RIOK3: variants seen among roughly 807,000 people sequenced by gnomAD.
RIOK3 encodes RIO kinase 3.
Under a neutral mutation model 63.5 loss-of-function variants are expected in RIOK3, and 40 were observed. That is an observed-to-expected ratio of 0.63 (90% CI 0.49 to 0.82). The LOEUF (loss-of-function observed/expected upper bound fraction) is 0.82, where lower values mean the gene tolerates loss of function less well. Ranked by LOEUF, RIOK3 falls within the 40% of genes least tolerant of loss-of-function variation. RIOK3 has a pLI of 0.00. For synonymous variants in RIOK3, 193 were observed against 205.0 expected, an observed-to-expected ratio of 0.94 and a Z score of 0.50; for missense variants, 557 against 637.0, an observed-to-expected ratio of 0.87 and a Z score of 1.35.
chr18:23,471,672 C>T (rs1043092334), intron 7 of RIOK3, among the ~76,000 whole-genome samples: 2 of 151,912 alleles, frequency 1.3e-5, no homozygotes, highest in African/African-American at 4.8e-5. Context: ...AGTAGGAGAG[C>T]GTTGGTGTGT....
At position 23,477,043 on chromosome 18, in the gene RIOK3, A is replaced by G. The variant is rs2057495924; in HGVS notation, c.1211A>G (p.His404Arg). 7 of 1,614,052 alleles carry G rather than the reference A, an allele frequency of 4.3e-6. No homozygotes were observed. The East Asian group carries it at 6.7e-5, about 15-fold the overall frequency. The change falls in exon 10 of 13, where the codon CAT becomes CGT. Residue 404 changes from histidine to arginine, a missense_variant. Around this residue, in one of 3 missense-constraint regions of RIOK3, gnomAD observed 309 missense variants for 338.7 expected, o/e 0.91. Coordinates refer to ENST00000339486, the MANE Select transcript of RIOK3 (RefSeq NM_003831.5). ...RQLYHECTLVHADLSEYNMLW... is the reference protein window; with the variant it reads ...RQLYHECTLVRADLSEYNMLW... ...TTATATCATGAATGTACGCTTGTCCATGCTGACCTCAGTGAGTATAACATG... is the reference window on the plus strand; with the variant it reads ...TTATATCATGAATGTACGCTTGTCCGTGCTGACCTCAGTGAGTATAACATG...
chr18:23,458,284 G>A (rs1047084797), intron 1 of RIOK3, among the ~76,000 whole-genome samples: 36 of 151,996 alleles, frequency 2.4e-4, no homozygotes, highest in African/African-American at 8.5e-4. Context: ...AGCAGCGAAG[G>A]TCATATCTTT....
chr18:23,462,674 A>T (rs2057379692), intron 1 of RIOK3, among the ~76,000 whole-genome samples: 1 of 152,250 alleles, frequency 6.6e-6, no homozygotes, highest in Non-Finnish European at 1.5e-5. Context: ...ACATGAACTC[A>T]TTGGCTAGTG....
intron 5 of RIOK3, 81 bp downstream of exon 5, chr18:23,464,709 C>A (rs1378580421): frequency 5.5e-5 from 38 of 689,670 alleles, no homozygotes; most frequent in Admixed American, 3.9e-4. Flanking sequence ...AATATAATAC[C>A]TTAGATTTCT....
intron 7 of RIOK3, among the ~76,000 whole-genome samples, chr18:23,468,095 T>C (rs2057422431): frequency 1.3e-5 from 2 of 152,092 alleles, no homozygotes; most frequent in Non-Finnish European, 2.9e-5. Context: ...TCTTTATCAG[T>C]GTTTAGTATT....
Position 23,473,450 on chromosome 18 carries a change from T to C in RIOK3, c.837T>C (p.Asp279=), listed in dbSNP as rs373566051. The part of the protein sequence containing the change: ...YGGSMEDEKE[D]SKVIPTECAI... Reference sequence around the variant, plus strand: ...TTAGCATGGAGGATGAAAAGGAAGATAGTAAAGTTATACCTACAGAATGTG... The same window carrying C: ...TTAGCATGGAGGATGAAAAGGAAGACAGTAAAGTTATACCTACAGAATGTG... Residue 279 remains aspartate (D), a synonymous_variant, in exon 8 of 13, where the codon GAT becomes GAC. Transcript: ENST00000339486. The C allele has an allele frequency of 1.1e-4, 182 of 1,609,694 alleles. No homozygotes were observed. Among genetic ancestry groups the C allele is most frequent in the Non-Finnish European group, 1.5e-4 (175 of 1,178,042 alleles).
At chr18:23,467,194 A>T (rs887296365) in intron 6 of RIOK3, among the ~76,000 whole-genome samples, 1 of 151,766 alleles carries the variant, frequency 6.6e-6, no homozygotes, top group African/African-American at 2.4e-5. Context: ...GGCGCCTGTA[A>T]TCCCAGCTAC....
chr18:23,456,998 C>G (rs1249794251), intron 1 of RIOK3, among the ~76,000 whole-genome samples: 1 of 152,062 alleles, frequency 6.6e-6, no homozygotes, highest in Non-Finnish European at 1.5e-5. Flanking sequence ...ACGAGAATAC[C>G]AAGCACACAT....
At chr18:23,454,808 T>G (rs1403789870) in intron 1 of RIOK3, among the ~76,000 whole-genome samples, 1 of 152,242 alleles carries the variant, frequency 6.6e-6, no homozygotes, top group African/African-American at 2.4e-5. Flanking sequence ...AGACGCTCTA[T>G]TGGGAGGACA....
In RIOK3 at chr18:23,453,373, C is replaced by T; in HGVS notation, c.-67C>T. ...CAGTCGCCCGTGTCCCGCCTGTCTC[C>T]TCGGCGGAGCCTGCTGCCCGTCCTG... On this transcript the variant is annotated 5_prime_UTR_variant, in exon 1 of 13. Transcript: ENST00000339486. The T allele has an allele frequency of 7.5e-7, 1 of 1,338,982 alleles. No individual in the cohort carries two copies. The highest frequency in any genetic ancestry group is 1.1e-6 in the Non-Finnish European group (1 of 932,600). The allele number at this position is 1,338,982 out of a possible 1,614,324, so 82.9% of individuals were successfully genotyped here. A position where few individuals can be genotyped will look rare whatever the true frequency, so the allele number is the denominator to read the frequency against.
At chr18:23,472,809 T>G (rs2057464806) in intron 7 of RIOK3, among the ~76,000 whole-genome samples, 1 of 152,248 alleles carries the variant, frequency 6.6e-6, no homozygotes, top group South Asian at 2.1e-4. Context: ...CTATAGTGTT[T>G]GTTGTTCCTC....
chr18:23,466,859 G>A (rs1007152592), intron 6 of RIOK3, among the ~76,000 whole-genome samples: 7 of 151,340 alleles, frequency 4.6e-5, no homozygotes, highest in Non-Finnish European at 1.0e-4. Flanking sequence ...AAAATTAGCC[G>A]GGCATGTTGG....
Position 23,453,493 on chromosome 18 carries a change from A to G in RIOK3, c.54A>G (p.Gly18=). The change falls in exon 1 of 13, where the codon GGA becomes GGG. Residue 18 remains glycine (G), a synonymous_variant. Coordinates refer to ENST00000339486, the MANE Select transcript of RIOK3 (RefSeq NM_003831.5). The part of the protein sequence containing the change: ...SPEPGTAAAW[G]PSKCPWAIPQ... ...AGCCCGGGACGGCAGCGGCCTGGGG[A>G]CCCAGCAAGGTAAGTGGCAGACGAG... 2 of 1,613,186 alleles carry G rather than the reference A, an allele frequency of 1.2e-6. No individual in the cohort carries two copies. The highest frequency in any genetic ancestry group is 2.7e-5 in the African/African-American group (2 of 74,990).
At chr18:23,468,575 T>G (rs1037755926) in intron 7 of RIOK3, among the ~76,000 whole-genome samples, 2 of 152,166 alleles carry the variant, frequency 1.3e-5, no homozygotes, top group African/African-American at 4.8e-5. Context: ...AGTGCCAAGA[T>G]TACAGGCGTG....
In RIOK3 at chr18:23,481,322, C is replaced by T; in HGVS notation, c.*43C>T. The T allele has an allele frequency of 8.2e-7, 1 of 1,218,816 alleles. No homozygotes were observed. The highest frequency in any genetic ancestry group is 1.2e-6 in the Non-Finnish European group (1 of 864,404). 75.5% of individuals were successfully genotyped at this position (1,218,816 alleles called of 1,614,324 possible). On this transcript the variant is annotated 3_prime_UTR_variant, in exon 13 of 13. Transcript: ENST00000339486. Reference sequence around the variant, plus strand: ...TCAGTGTTAACACAGCAGTGATTGTCAGCTGCCAATAGCAAATGAAGTTAT... The same window carrying T: ...TCAGTGTTAACACAGCAGTGATTGTTAGCTGCCAATAGCAAATGAAGTTAT...
In RIOK3 at chr18:23,474,988, C is replaced by A. The variant is rs1444903595; in HGVS notation, c.1054C>A (p.Leu352Met). 5.6e-6 allele frequency: 9 copies of A among 1,611,754 alleles called. No individual in the cohort carries two copies. The highest frequency in any genetic ancestry group is 7.6e-6 in the Non-Finnish European group (9 of 1,177,920). The change falls in exon 9 of 13, where the codon CTG (leucine) becomes ATG (methionine). Residue 352 changes from leucine to methionine, a missense_variant. Leu to Met is a conservative substitution (Grantham distance 15, BLOSUM62 2). Around this residue, in one of 3 missense-constraint regions of RIOK3, gnomAD observed 309 missense variants for 338.7 expected, o/e 0.91. Coordinates refer to ENST00000339486, the MANE Select transcript of RIOK3 (RefSeq NM_003831.5). ...AATTCCTTGTCCAACAGTTGTACTA[C>A]TGAAGAAACACATTTTAGTTATGTC... The part of the protein sequence containing the change: ...AGIPCPTVVL[L>M]KKHILVMSFI...
chr18:23,481,222 G>A lies in RIOK3; in HGVS notation c.1503G>A (p.Arg501=). ...MNEDHVQKNG[R]KAASFLKDDG... ...AAGATCACGTTCAGAAGAATGGAAG[G>A]AAAGCTGCTTCATTTTTGAAAGATG... is the stretch of plus-strand genomic sequence containing the variant. The change falls in exon 13 of 13, where the codon AGG becomes AGA. Residue 501 remains arginine, a synonymous_variant. Transcript: ENST00000339486. The A allele has an allele frequency of 6.2e-7, 1 of 1,612,424 alleles. No homozygotes were observed. Among genetic ancestry groups the A allele is most frequent in the Non-Finnish European group, 8.5e-7 (1 of 1,179,374 alleles).
At chr18:23,454,212 G>A (rs1259624866) in intron 1 of RIOK3, among the ~76,000 whole-genome samples, 1 of 152,198 alleles carries the variant, frequency 6.6e-6, no homozygotes, top group Non-Finnish European at 1.5e-5. Context: ...CTTGAGAGCA[G>A]AGTGCTTCCA....
chr18:23,464,008 C>T lies in RIOK3; in HGVS notation c.221C>T (p.Thr74Ile). Residue 74 changes from threonine to isoleucine, a missense_variant, in exon 3 of 13, where the codon ACT becomes ATT. Coordinates refer to ENST00000339486, the MANE Select transcript of RIOK3 (RefSeq NM_003831.5). ...TTTATTACTGGAGAAAACATTGATA[C>T]TTCCAGTGACCTTATGCTGGCTCAG... Reference protein sequence around the residue: ...GPFITGENIDTSSDLMLAQML... With the variant: ...GPFITGENIDISSDLMLAQML... 1 of 1,612,460 alleles carries T rather than the reference C, an allele frequency of 6.2e-7. No individual in the cohort carries two copies. Among genetic ancestry groups the T allele is most frequent in the Non-Finnish European group, 8.5e-7 (1 of 1,179,190 alleles).
Sources: gnomAD v4.1 joint callset for allele counts (sites outside exome capture counted in the v4.1 genomes callset) on GRCh38, gnomAD v4.1.1 for gene constraint, gnomAD v4.1.1 regional missense constraint, MANE v1.5 for transcripts, NCBI Gene and HGNC (gene_info 2026-07-23, HGNC 2026-07-21) for gene names.